The following LIMS1 variants were observed in gnomAD, a reference collection of about 807,000 sequenced individuals.
LIMS1 encodes LIM and senescent cell antigen-like-containing domain protein 1.
In LIMS1, 18 loss-of-function variants were observed where a neutral mutation model predicts 44.1. The observed-to-expected ratio is 0.41, with a 90% confidence interval of 0.28 to 0.61. LIMS1 has a LOEUF of 0.61. LIMS1 is among the 20% of genes least tolerant of loss of function. LIMS1 has a pLI of 0.32. For missense variants in LIMS1, 201 were observed against 422.0 expected, an observed-to-expected ratio of 0.48 and a Z score of 4.59; for synonymous variants, 93 against 149.1, an observed-to-expected ratio of 0.62 and a Z score of 2.74.
At chr2:108,570,986 A>G (rs1239713054) in intron 1 of LIMS1, among the ~76,000 whole-genome samples, 2 of 152,316 alleles carry the variant, frequency 1.3e-5, no homozygotes, top group South Asian at 2.1e-4. Context: ...AAACATTTCA[A>G]ATGTCTGAAT....
At position 108,542,975 on chromosome 2, in the gene LIMS1, T is replaced by G. The variant is rs73952503; in HGVS notation, c.32+8381T>G. 5.1e-3 allele frequency among the ~76,000 whole-genome samples: 781 copies of G among 152,374 alleles called. 11 individuals carry two copies. Among genetic ancestry groups the G allele is most frequent in the African/African-American group, 0.018 (748 of 41,592 alleles). On this transcript the variant is annotated intron_variant, in intron 1 of 9. Transcript: ENST00000544547. Reference sequence around the variant, plus strand: ...TGCTTGCATATGTGAAAGTGATATTTACAAATTTTGGAACACATCTTTCAA... The same window carrying G: ...TGCTTGCATATGTGAAAGTGATATTGACAAATTTTGGAACACATCTTTCAA...
intron 1 of LIMS1, among the ~76,000 whole-genome samples, chr2:108,597,672 T>C (rs1332085016): frequency 2.7e-5 from 4 of 150,432 alleles, no homozygotes; most frequent in Non-Finnish European, 4.4e-5. Context: ...TTTTCACTTA[T>C]CTATAATACA....
rs974438671 is a variant in LIMS1, at chr2:108,675,568, G to A, written c.531-310G>A. Among the ~76,000 whole-genome samples the A allele has an allele frequency of 5.9e-5, 9 of 152,274 alleles. No homozygotes were observed. In the Middle Eastern group the frequency reaches 0.01, roughly 173 times the overall value. On this transcript the variant is annotated intron_variant, in intron 5 of 9. Coordinates refer to ENST00000544547, the Ensembl canonical transcript of LIMS1. ...CTGTGATTATTCCCTGTAGCTTTTA[G>A]AGGAAGACAAATGGACTAAAATGTA...
intron 1 of LIMS1, among the ~76,000 whole-genome samples, chr2:108,587,290 T>TTGTGTGTGTGTGTG (rs58815332): frequency 8.5e-5 from 9 of 106,082 alleles, no homozygotes; most frequent in African/African-American, 1.5e-4. Flanking sequence ...TTCTTGGGGT[T>TTGTGTGTGTGTGTG]TGTGTGTGTG....
At chr2:108,656,589 CA>C (rs1241465723) in intron 1 of LIMS1, among the ~76,000 whole-genome samples, 2 of 150,956 alleles carry the variant, frequency 1.3e-5, no homozygotes, top group African/African-American at 4.8e-5. Context: ...CTGACTGGTT[CA>C]GGGGGCAGCA....
intron 1 of LIMS1, among the ~76,000 whole-genome samples, chr2:108,535,785 C>G (rs1684114953): frequency 6.6e-6 from 1 of 152,186 alleles, no homozygotes; most frequent in Non-Finnish European, 1.5e-5. Flanking sequence ...AAGTGACAGA[C>G]TCACTTTGTT....
At chr2:108,648,349 A>G (rs1276466977) in intron 1 of LIMS1, among the ~76,000 whole-genome samples, 2 of 152,230 alleles carry the variant, frequency 1.3e-5, no homozygotes, top group Admixed American at 6.5e-5. Context: ...TTCCATGCTC[A>G]TGGATAGGAA....
intron 1 of LIMS1, among the ~76,000 whole-genome samples, chr2:108,645,223 A>T (rs1189328080): frequency 6.6e-6 from 1 of 152,178 alleles, no homozygotes; most frequent in African/African-American, 2.4e-5. Context: ...ATGAAGGAAA[A>T]AATGTTAAGG....
chr2:108,616,709 C>T (rs1263845689), intron 1 of LIMS1, among the ~76,000 whole-genome samples: 2 of 152,138 alleles, frequency 1.3e-5, no homozygotes, highest in Non-Finnish European at 2.9e-5. Flanking sequence ...TTCTCATACT[C>T]TCTGCTCCAG....
At chr2:108,685,016 T>A (rs1200061067) in exon 10 of LIMS1, 1 of 152,148 alleles carries the variant, frequency 6.6e-6, no homozygotes, top group South Asian at 2.1e-4. Flanking sequence ...TGCATTGAGA[T>A]CTGAGATTGG....
intron 2 of LIMS1, chr2:108,660,766 T>C (rs1323454095): frequency 5.4e-6 from 1 of 183,576 alleles, no homozygotes; most frequent in African/African-American, 2.4e-5. Context: ...TTTTGGGGGA[T>C]AATCTAGAAA....
chr2:108,640,016 G>C (rs1272160169), intron 1 of LIMS1, among the ~76,000 whole-genome samples: 1 of 152,180 alleles, frequency 6.6e-6, no homozygotes, highest in Non-Finnish European at 1.5e-5. Context: ...TTAGTGTTCT[G>C]CTTTTAATGA....
At chr2:108,552,515 A>G (rs1382195224) in intron 1 of LIMS1, among the ~76,000 whole-genome samples, 4 of 146,862 alleles carry the variant, frequency 2.7e-5, no homozygotes, top group African/African-American at 5.0e-5. Flanking sequence ...AATAAAATAT[A>G]TAAATATATC....
chr2:108,555,972 G>GT lies in LIMS1; in HGVS notation c.32+21388dup, dbSNP rs112846693. 3.0e-3 allele frequency among the ~76,000 whole-genome samples: 454 copies of GT among 149,166 alleles called. 3 individuals are homozygous for GT. Among genetic ancestry groups the GT allele is most frequent in the African/African-American group, 9.0e-3 (368 of 40,674 alleles). On this transcript the variant is annotated intron_variant, in intron 1 of 9. Transcript: ENST00000544547. ...TTTTTTGCCCGGTTTAATTATCCTG[G>GT]TTTTTTTTTTCCTTTTTTGCTATAG...
intron 1 of LIMS1, among the ~76,000 whole-genome samples, chr2:108,624,017 C>G (rs1409280200): frequency 6.6e-6 from 1 of 152,186 alleles, no homozygotes; most frequent in Non-Finnish European, 1.5e-5. Flanking sequence ...GCTTCCTAGA[C>G]TTTTGTTTTA....
intron 1 of LIMS1, among the ~76,000 whole-genome samples, chr2:108,611,910 C>T (rs1222012884): frequency 2.8e-5 from 2 of 70,816 alleles, no homozygotes; most frequent in Non-Finnish European, 6.4e-5. Flanking sequence ...ATAAAATATA[C>T]ACACATATAA....
intron 1 of LIMS1, among the ~76,000 whole-genome samples, chr2:108,608,410 A>G (rs1573433927): frequency 6.7e-6 from 1 of 150,234 alleles, no homozygotes; most frequent in Admixed American, 6.7e-5. Context: ...GGTTCAAGCT[A>G]TTCTCCTGCC....
At chr2:108,568,603 T>C (rs1685375831) in intron 1 of LIMS1, among the ~76,000 whole-genome samples, 1 of 152,238 alleles carries the variant, frequency 6.6e-6, no homozygotes, top group African/African-American at 2.4e-5. Context: ...AGAACCACCT[T>C]ACTGTTTTCC....
At chr2:108,642,611 G>A (rs540089166) in intron 1 of LIMS1, among the ~76,000 whole-genome samples, 2 of 151,906 alleles carry the variant, frequency 1.3e-5, no homozygotes, top group Admixed American at 6.6e-5. Flanking sequence ...CGCCCGCCTC[G>A]GCCTCCCAAA....
Sources: allele counts gnomAD v4.1 joint callset (sites outside exome capture counted in the v4.1 genomes callset), GRCh38; gene constraint gnomAD v4.1.1; transcripts MANE v1.5; gene names NCBI Gene and HGNC (gene_info 2026-07-23, HGNC 2026-07-21).